Variants in NRG3 observed in about 807,000 individuals in gnomAD.
The protein encoded by NRG3 is neuregulin 3.
NRG3 carries 31 observed loss-of-function variants against 66.9 expected under a neutral mutation model. The observed-to-expected ratio is 0.46, with a 90% CI of 0.35 to 0.63. The LOEUF is 0.63. Among genes scored for constraint, NRG3 ranks in the 20% least tolerant of loss-of-function variants. NRG3 has a pLI of 0.00. For missense variants in NRG3, 910 were observed against 878.9 expected (o/e 1.04, Z -0.45); for synonymous variants, 393 against 359.4 (o/e 1.09, Z -1.06).
intron 2 of NRG3, among the ~76,000 whole-genome samples, chr10:82,503,993 A>C (rs1379710902): frequency 6.6e-6 from 1 of 152,188 alleles, no homozygotes; most frequent in Non-Finnish European, 1.5e-5. Context: ...TGCCACTCTT[A>C]CTTCTCAGTT....
intron 2 of NRG3, among the ~76,000 whole-genome samples, chr10:82,548,060 A>G (rs1404278311): frequency 3.1e-5 from 4 of 128,732 alleles, no homozygotes; most frequent in Non-Finnish European, 4.9e-5. Flanking sequence ...TTTTTTTTTA[A>G]ATCATGGAAG....
Position 82,738,652 on chromosome 10 carries a change from T to A in NRG3, c.1027+2T>A. 6.2e-7 allele frequency: 1 copy of A among 1,613,674 alleles called. No homozygotes were observed. The stretch of plus-strand genomic sequence containing the variant: ...CTGATTCCATCTTATCGGATCCAAG[T>A]AGGTCAAGCATTTTTCTTCTCTCTA... On this transcript the variant is annotated splice_donor_variant, in intron 3 of 8. Coordinates refer to ENST00000372141, the MANE Select transcript of NRG3 (RefSeq NM_001010848.4). LOFTEE classifies it high-confidence loss of function.
intron 2 of NRG3, among the ~76,000 whole-genome samples, chr10:82,723,290 A>G (rs1247587024): frequency 1.3e-5 from 2 of 152,214 alleles, no homozygotes; most frequent in African/African-American, 4.8e-5. Context: ...AAAAATGGCA[A>G]CAATAGACAC....
At chr10:82,038,886 A>T (rs958992733) in intron 1 of NRG3, among the ~76,000 whole-genome samples, 1 of 152,040 alleles carries the variant, frequency 6.6e-6, no homozygotes, top group Non-Finnish European at 1.5e-5. Flanking sequence ...GTCCTCCCTG[A>T]TCAACACTAG....
chr10:82,009,439 A>G (rs1226623286), intron 1 of NRG3, among the ~76,000 whole-genome samples: 1 of 152,106 alleles, frequency 6.6e-6, no homozygotes, highest in African/African-American at 2.4e-5. Flanking sequence ...TTCACCAAGC[A>G]TACATACCTA....
chr10:82,586,538 CTG>C (rs1240886747), intron 2 of NRG3, among the ~76,000 whole-genome samples: 1 of 152,166 alleles, frequency 6.6e-6, no homozygotes, highest in East Asian at 1.9e-4. Context: ...CTTGGCTTCT[CTG>C]TGGTTTAATT....
chr10:82,165,679 A>C (rs1057154611), intron 1 of NRG3, among the ~76,000 whole-genome samples: 2 of 151,736 alleles, frequency 1.3e-5, no homozygotes, highest in Non-Finnish European at 2.9e-5. Context: ...TTACTTCTTA[A>C]TTGCATTTGT....
At chr10:82,190,100 C>T (rs2074051022) in intron 1 of NRG3, among the ~76,000 whole-genome samples, 1 of 152,104 alleles carries the variant, frequency 6.6e-6, no homozygotes. Flanking sequence ...TCATTGCAGG[C>T]CATGTGTCTT....
rs901548093 is a variant in NRG3, at chr10:81,990,444, A to G, written c.823+114281A>G. ...GGTTTCATTGTTCTTTAGATTACTT[A>G]TCCTCTTGTAGAAACTGTAACTATT... On this transcript the variant is annotated intron_variant, in intron 1 of 8. Transcript: ENST00000372141. Among the ~76,000 whole-genome samples the G allele has an allele frequency of 6.6e-5, 10 of 152,294 alleles. No homozygotes were observed. The South Asian group carries it at 8.3e-4, about 13-fold the overall frequency.
intron 1 of NRG3, among the ~76,000 whole-genome samples, chr10:82,285,797 A>G (rs942384603): frequency 6.6e-6 from 1 of 152,218 alleles, no homozygotes; most frequent in African/African-American, 2.4e-5. Flanking sequence ...TTCCTGCTAA[A>G]GCACTCACCT....
intron 1 of NRG3, among the ~76,000 whole-genome samples, chr10:81,909,398 A>G (rs2132728048): frequency 6.6e-6 from 1 of 152,256 alleles, no homozygotes; most frequent in Admixed American, 6.5e-5. Context: ...AACCCAGAAC[A>G]TGAGTGGTGG....
intron 1 of NRG3, among the ~76,000 whole-genome samples, chr10:82,090,080 A>G (rs1189624182): frequency 1.3e-5 from 2 of 152,182 alleles, no homozygotes; most frequent in East Asian, 1.9e-4. Flanking sequence ...TCTTTTTGAC[A>G]TTACATACTG....
At chr10:82,485,362 T>G (rs187661356) in intron 2 of NRG3, among the ~76,000 whole-genome samples, 182 of 151,800 alleles carry the variant, frequency 1.2e-3, no homozygotes, top group South Asian at 3.3e-3. Context: ...GATGTATGTT[T>G]GAATAATTCA....
chr10:82,165,641 C>A (rs2071980153), intron 1 of NRG3, among the ~76,000 whole-genome samples: 1 of 151,708 alleles, frequency 6.6e-6, no homozygotes, highest in African/African-American at 2.4e-5. Context: ...AAATATATTA[C>A]ATACTTGTTT....
intron 1 of NRG3, among the ~76,000 whole-genome samples, chr10:82,174,510 G>C (rs2072879337): frequency 6.6e-6 from 1 of 151,756 alleles, no homozygotes; most frequent in African/African-American, 2.4e-5. Flanking sequence ...TCTTCTGTTT[G>C]TTTTAAGTTT....
At chr10:82,854,646 C>A (rs139195287) in intron 3 of NRG3, among the ~76,000 whole-genome samples, 33 of 152,266 alleles carry the variant, frequency 2.2e-4, no homozygotes, top group South Asian at 6.2e-4. Context: ...CAGTGCCTTG[C>A]CACTAAATAT....
chr10:82,080,744 C>T (rs1372195117), intron 1 of NRG3, among the ~76,000 whole-genome samples: 5 of 152,050 alleles, frequency 3.3e-5, no homozygotes, highest in African/African-American at 9.7e-5. Context: ...ATATATATAA[C>T]ATTTATCATT....
intron 1 of NRG3, among the ~76,000 whole-genome samples, chr10:82,014,723 G>T (rs1309547651): frequency 3.3e-5 from 5 of 152,160 alleles, no homozygotes; most frequent in African/African-American, 1.2e-4. Flanking sequence ...GGGTGAAGGT[G>T]CTGGCTTCAG....
chr10:82,794,850 C>T (rs763626963), intron 3 of NRG3, among the ~76,000 whole-genome samples: 13 of 152,182 alleles, frequency 8.5e-5, no homozygotes, highest in Non-Finnish European at 1.8e-4. Flanking sequence ...TTTACATCCT[C>T]TAATGGAGGA....
Sources: allele counts gnomAD v4.1 joint callset (sites outside exome capture counted in the v4.1 genomes callset), GRCh38; gene constraint gnomAD v4.1.1; transcripts MANE v1.5; gene names NCBI Gene and HGNC (gene_info 2026-07-23, HGNC 2026-07-21).